The following SLCO3A1 variants were observed in gnomAD, a reference collection of about 807,000 sequenced individuals.
The protein encoded by SLCO3A1 is PGE1 transporter.
Under a neutral mutation model 63.1 loss-of-function variants are expected in SLCO3A1, and 27 were observed. The observed-to-expected ratio is 0.43, with a 90% CI of 0.32 to 0.59. The LOEUF (loss-of-function observed/expected upper bound fraction) is 0.59, where lower values mean the gene tolerates loss of function less well. SLCO3A1 is among the 20% of genes least tolerant of loss of function. The pLI is 0.09. For synonymous variants in SLCO3A1, 473 were observed against 409.9 expected, an observed-to-expected ratio of 1.15 and a Z score of -1.86; for missense variants, 773 against 945.8, an observed-to-expected ratio of 0.82 and a Z score of 2.40.
chr15:91,916,501 T>A lies in SLCO3A1; in HGVS notation c.646+43T>A, dbSNP rs1469234685. On this transcript the variant is annotated intron_variant, in intron 2 of 9. Transcript: ENST00000318445. The surrounding 1 kb of genome is among the most constrained non-coding windows in gnomAD (Gnocchi z 6.2). ...CGTATTAGCAAGAGACCAGGGTGTG[T>A]TGACCATGGATAAAAGGTGGCCTGG... The A allele has an allele frequency of 2.1e-6, 3 of 1,438,516 alleles. No individual in the cohort carries two copies. The highest frequency in any genetic ancestry group is 2.8e-6 in the Non-Finnish European group (3 of 1,058,296). 89.1% of individuals were successfully genotyped at this position (1,438,516 alleles called of 1,614,324 possible). A position where few individuals can be genotyped will look rare whatever the true frequency, so the allele number is the denominator to read the frequency against.
At chr15:92,146,963 G>A (rs372018701) in intron 7 of SLCO3A1, 21 bp from the exon 8 acceptor site, 18 of 1,592,046 alleles carry the variant, frequency 1.1e-5, no homozygotes, top group African/African-American at 9.4e-5. Flanking sequence ...CAGATAAAAG[G>A]GCTGAACGCT....
chr15:92,157,475 TATGATG>T (rs1297551977), intron 9 of SLCO3A1, among the ~76,000 whole-genome samples: 1 of 151,270 alleles, frequency 6.6e-6, no homozygotes, highest in African/African-American at 2.4e-5. Context: ...CTCTAAAACT[TATGATG>T]ATGTGGAGAA....
intron 1 of SLCO3A1, among the ~76,000 whole-genome samples, chr15:91,861,083 G>A (rs867644827): frequency 4.6e-5 from 7 of 152,192 alleles, no homozygotes; most frequent in African/African-American, 1.4e-4. Flanking sequence ...AGTGAATCAG[G>A]TGGCAGTGTA....
intron 2 of SLCO3A1, among the ~76,000 whole-genome samples, chr15:91,934,103 A>G (rs1377042786): frequency 3.3e-5 from 5 of 152,156 alleles, no homozygotes; most frequent in African/African-American, 9.7e-5. Context: ...ATCAGAGACA[A>G]AGGGCTTTAT....
intron 2 of SLCO3A1, among the ~76,000 whole-genome samples, chr15:92,031,777 A>G (rs2046652205): frequency 6.6e-6 from 1 of 152,242 alleles, no homozygotes; most frequent in African/African-American, 2.4e-5. Flanking sequence ...CATCACCTCA[A>G]GCATTTATCC....
chr15:91,932,763 A>T (rs1055553120), intron 2 of SLCO3A1, among the ~76,000 whole-genome samples: 1 of 152,204 alleles, frequency 6.6e-6, no homozygotes, highest in African/African-American at 2.4e-5. Flanking sequence ...TATTTCTGAA[A>T]GTTATTTCAA....
chr15:92,116,600 G>A (rs1280060806), intron 4 of SLCO3A1, among the ~76,000 whole-genome samples: 1 of 152,224 alleles, frequency 6.6e-6, no homozygotes, highest in Non-Finnish European at 1.5e-5. Context: ...GTTTCTGTTT[G>A]CCTGGGCCGC....
intron 1 of SLCO3A1, among the ~76,000 whole-genome samples, chr15:91,901,167 T>C (rs972097782): frequency 2.6e-5 from 4 of 152,230 alleles, no homozygotes; most frequent in African/African-American, 4.8e-5. Flanking sequence ...ATTTTCTTAG[T>C]GATTGCATGT....
In SLCO3A1 at chr15:91,886,434, C is replaced by G. The variant is rs1897726215; in HGVS notation, c.181-29559C>G. Among the ~76,000 whole-genome samples, 1 of 152,216 alleles carries G rather than the reference C, an allele frequency of 6.6e-6. No individual in the cohort carries two copies. Among genetic ancestry groups the G allele is most frequent in the Non-Finnish European group, 1.5e-5 (1 of 68,046 alleles). ...TCTGGGTGGCTCCTGTTTGTGTCCACATCAGCGTGAGTTGTGTGAAGTCCT... is the reference window on the plus strand; with the variant it reads ...TCTGGGTGGCTCCTGTTTGTGTCCAGATCAGCGTGAGTTGTGTGAAGTCCT... On this transcript the variant is annotated intron_variant, in intron 1 of 9. Coordinates refer to ENST00000318445, the MANE Select transcript of SLCO3A1 (RefSeq NM_013272.4). This position sits in a 1 kb window ranked among gnomAD's most constrained non-coding sequence, Gnocchi z 4.9.
intron 5 of SLCO3A1, among the ~76,000 whole-genome samples, chr15:92,123,080 C>T (rs770880489): frequency 2.9e-4 from 44 of 152,166 alleles, no homozygotes; most frequent in Non-Finnish European, 6.2e-4. Flanking sequence ...GTTCATCAGG[C>T]TGTTCCCTTA....
chr15:92,104,893 A>G (rs2047648455), intron 4 of SLCO3A1, among the ~76,000 whole-genome samples: 1 of 152,038 alleles, frequency 6.6e-6, no homozygotes, highest in Admixed American at 6.5e-5. Context: ...CCTGGAAGCA[A>G]TAAAGGAATT....
chr15:92,044,840 A>T (rs538347460), intron 2 of SLCO3A1, among the ~76,000 whole-genome samples: 1 of 152,146 alleles, frequency 6.6e-6, no homozygotes, highest in East Asian at 1.9e-4. Context: ...GGCTTCCAAC[A>T]AGCAGATCTT....
intron 7 of SLCO3A1, among the ~76,000 whole-genome samples, chr15:92,130,621 C>T (rs1028708276): frequency 6.6e-6 from 1 of 152,008 alleles, no homozygotes; most frequent in Non-Finnish European, 1.5e-5. Context: ...ATAAAACTTG[C>T]AGCAGCAGCA....
chr15:91,983,708 A>C (rs1309924258), intron 2 of SLCO3A1, among the ~76,000 whole-genome samples: 1 of 152,224 alleles, frequency 6.6e-6, no homozygotes, highest in Non-Finnish European at 1.5e-5. Flanking sequence ...AATGTGTGAC[A>C]AAAAGCAATA....
At chr15:92,042,088 A>T (rs577705908) in intron 2 of SLCO3A1, among the ~76,000 whole-genome samples, 1 of 152,140 alleles carries the variant, frequency 6.6e-6, no homozygotes, top group African/African-American at 2.4e-5. Flanking sequence ...GGGTTCTTTA[A>T]TGGCGCTCTC....
At chr15:92,091,643 G>T (rs547821017) in intron 2 of SLCO3A1, among the ~76,000 whole-genome samples, 2 of 152,258 alleles carry the variant, frequency 1.3e-5, no homozygotes, top group South Asian at 4.1e-4. Context: ...TCCCACCACC[G>T]GACTGTCCTT....
At chr15:91,946,740 T>C (rs1899819505) in intron 2 of SLCO3A1, among the ~76,000 whole-genome samples, 1 of 152,174 alleles carries the variant, frequency 6.6e-6, no homozygotes, top group Non-Finnish European at 1.5e-5. Context: ...GGAAGCATGC[T>C]GTCAGAACCC....
At chr15:91,953,689 A>C (rs1900075089) in intron 2 of SLCO3A1, among the ~76,000 whole-genome samples, 1 of 151,726 alleles carries the variant, frequency 6.6e-6, no homozygotes, top group Admixed American at 6.6e-5. Flanking sequence ...ACCTCTGTTT[A>C]CCTCTGCTTT....
chr15:91,982,980 G>A (rs1210677299), intron 2 of SLCO3A1, among the ~76,000 whole-genome samples: 1 of 152,256 alleles, frequency 6.6e-6, no homozygotes, highest in Non-Finnish European at 1.5e-5. Context: ...TTACGGAATG[G>A]CAGCCCCTGC....
Sources: gnomAD v4.1 joint callset for allele counts (sites outside exome capture counted in the v4.1 genomes callset) on GRCh38, gnomAD v4.1.1 for gene constraint, Gnocchi (gnomAD v3.1) non-coding constraint, MANE v1.5 for transcripts, NCBI Gene and HGNC (gene_info 2026-07-23, HGNC 2026-07-21) for gene names.